COL5A2: variants seen among roughly 807,000 people sequenced by gnomAD.
The protein encoded by COL5A2 is collagen alpha-2(V) chain.
COL5A2 carries 23 observed loss-of-function variants against 208.2 expected under a neutral mutation model. The ratio of observed to expected loss-of-function variants is 0.11; its 90% CI spans 0.08 to 0.16. COL5A2 has a LOEUF of 0.16. Among genes scored for constraint, COL5A2 ranks in the 10% least tolerant of loss-of-function variants. The pLI, the probability that COL5A2 is intolerant of heterozygous loss-of-function variation, is 1.00. For synonymous variants in COL5A2, 625 were observed against 628.5 expected, an observed-to-expected ratio of 0.99 and a Z score of 0.08; for missense variants, 1,590 against 1,956.4, an observed-to-expected ratio of 0.81 and a Z score of 3.53.
In COL5A2 at chr2:189,065,099, T is replaced by G. The variant is rs1232391094; in HGVS notation, c.1564-42A>C. On this transcript the variant is annotated intron_variant, in intron 23 of 53. Coordinates refer to ENST00000374866, the MANE Select transcript of COL5A2 (RefSeq NM_000393.5). ...TGTGATTCTTAATTGTTGTTGATAT[T>G]TTTGCAATATGTAATGAATAGGTGA... 1.0e-5 allele frequency: 16 copies of G among 1,584,004 alleles called. No homozygotes were observed. The South Asian group carries it at 1.7e-4, about 17-fold the overall frequency.
At chr2:189,185,649 C>T (rs1442176267) in intron 1 of COL5A2, among the ~76,000 whole-genome samples, 1 of 152,188 alleles carries the variant, frequency 6.6e-6, no homozygotes, top group African/African-American at 2.4e-5. Flanking sequence ...AACCCACGAG[C>T]ATGTTCTGTG....
the COL5A2 span, among the ~76,000 whole-genome samples, chr2:189,335,881 G>C: frequency 6.6e-6 from 1 of 152,122 alleles, no homozygotes; most frequent in East Asian, 1.9e-4. Context: ...ACACTGAATT[G>C]CTCACTTTAA....
the COL5A2 span, among the ~76,000 whole-genome samples, chr2:189,280,166 C>A: frequency 1.1e-4 from 16 of 152,086 alleles, no homozygotes; most frequent in Non-Finnish European, 2.4e-4. Flanking sequence ...ATAAGTCACT[C>A]AGTTTATCTT....
chr2:189,320,170 A>C, the COL5A2 span, among the ~76,000 whole-genome samples: 1 of 152,246 alleles, frequency 6.6e-6, no homozygotes, highest in East Asian at 1.9e-4. Context: ...TCTGTACGTC[A>C]CCATCATCAA....
chr2:189,423,037 A>AAAG, the COL5A2 span, among the ~76,000 whole-genome samples: 49 of 151,472 alleles, frequency 3.2e-4, no homozygotes, highest in Non-Finnish European at 6.5e-4. Context: ...AAAAAAAAAA[A>AAAG]AAAGAAAGAA....
the COL5A2 span, among the ~76,000 whole-genome samples, chr2:189,400,787 T>A: frequency 2.0e-5 from 3 of 152,198 alleles, no homozygotes; most frequent in Non-Finnish European, 4.4e-5. Flanking sequence ...TGATTAAAAT[T>A]ATACAAGGAC....
intron 1 of COL5A2, among the ~76,000 whole-genome samples, chr2:189,158,342 C>T (rs1396986799): frequency 6.6e-6 from 1 of 151,994 alleles, no homozygotes. Context: ...GCTCTATGAA[C>T]ATTTATTAGC....
the COL5A2 span, among the ~76,000 whole-genome samples, chr2:189,326,624 T>A: frequency 2.3e-4 from 35 of 151,948 alleles, no homozygotes; most frequent in South Asian, 7.1e-3. Flanking sequence ...GCCCAGACAT[T>A]CAATGTTACA....
At position 189,052,009 on chromosome 2, in the gene COL5A2, G is replaced by A. The variant is rs147121814; in HGVS notation, c.2769+163C>T. On this transcript the variant is annotated intron_variant, in intron 41 of 53. Coordinates refer to ENST00000374866, the MANE Select transcript of COL5A2 (RefSeq NM_000393.5). ...CAAGAAATACTAGATTATTAAGGAT[G>A]ATTTGCTTTGCTGAAATACCAGCAT... Among the ~76,000 whole-genome samples, 47 of 152,230 alleles carry A rather than the reference G, an allele frequency of 3.1e-4. 1 individual carries two copies. In the East Asian group the frequency reaches 5.6e-3, roughly 18 times the overall value.
intron 30 of COL5A2, 69 bp downstream of exon 30, chr2:189,061,493 C>CTT: frequency 4.4e-6 from 5 of 1,134,318 alleles, no homozygotes; most frequent in Non-Finnish European, 5.3e-6. Context: ...CTGACCATAT[C>CTT]TTTTTTTTTA....
At chr2:189,185,642 C>T (rs1238824395) in intron 1 of COL5A2, among the ~76,000 whole-genome samples, 2 of 152,170 alleles carry the variant, frequency 1.3e-5, no homozygotes, top group Non-Finnish European at 2.9e-5. Flanking sequence ...TTCATAAAAC[C>T]CACGAGCATG....
the COL5A2 span, among the ~76,000 whole-genome samples, chr2:189,248,222 A>T: frequency 6.6e-6 from 1 of 152,244 alleles, no homozygotes; most frequent in Non-Finnish European, 1.5e-5. Context: ...TGTTAGATAC[A>T]GCTGCATATT....
chr2:189,191,167 C>CA (rs1688921444), intron 1 of COL5A2, among the ~76,000 whole-genome samples: 1 of 124,888 alleles, frequency 8.0e-6, no homozygotes, highest in African/African-American at 3.0e-5. Context: ...AACAAACAAA[C>CA]AACAAAAAAC....
the COL5A2 span, among the ~76,000 whole-genome samples, chr2:189,330,969 G>A: frequency 1.1e-4 from 16 of 152,226 alleles, no homozygotes; most frequent in East Asian, 1.2e-3. Flanking sequence ...AATACAAGCC[G>A]ACTCTCAGAG....
the COL5A2 span, among the ~76,000 whole-genome samples, chr2:189,288,323 C>T: frequency 6.6e-6 from 1 of 152,248 alleles, no homozygotes; most frequent in South Asian, 2.1e-4. Flanking sequence ...CTTGTGTTGA[C>T]CTCATTTGAC....
chr2:189,308,344 C>A, the COL5A2 span, among the ~76,000 whole-genome samples: 1 of 151,990 alleles, frequency 6.6e-6, no homozygotes, highest in Non-Finnish European at 1.5e-5. Flanking sequence ...TAACATTAAG[C>A]AATAAGACAC....
chr2:189,269,726 T>C, the COL5A2 span, among the ~76,000 whole-genome samples: 4 of 152,192 alleles, frequency 2.6e-5, no homozygotes, highest in Admixed American at 2.6e-4. Context: ...TGCCAGGTTT[T>C]AATATAAGGA....
intron 12 of COL5A2, among the ~76,000 whole-genome samples, chr2:189,081,301 T>C (rs1268731889): frequency 6.6e-6 from 1 of 152,192 alleles, no homozygotes; most frequent in Non-Finnish European, 1.5e-5. Flanking sequence ...GTTCATGACA[T>C]TTTGAATTTT....
chr2:189,041,677 A>G lies in COL5A2; in HGVS notation c.3542T>C (p.Val1181Ala). The change falls in exon 50 of 54, where the codon GTT becomes GCT. Residue 1181 changes from valine to alanine, a missense_variant. Physicochemically the swap from Val to Ala is moderately conservative, Grantham distance 64. Transcript: ENST00000374866. ...GTTTCCTTCTTTACCTGAAGGACCAACTGGGCCTGGAGGACCCTGCAAGAA... is the reference window on the plus strand; with the variant it reads ...GTTTCCTTCTTTACCTGAAGGACCAGCTGGGCCTGGAGGACCCTGCAAGAA... ...PFGPRGPPGPVGPSGKEGNPG... is the reference protein window; with the variant it reads ...PFGPRGPPGPAGPSGKEGNPG... 6.2e-7 allele frequency: 1 copy of G among 1,613,916 alleles called. No individual in the cohort carries two copies. Among genetic ancestry groups the G allele is most frequent in the Non-Finnish European group, 8.5e-7 (1 of 1,179,764 alleles).
Sources: gnomAD v4.1 joint callset for allele counts (sites outside exome capture counted in the v4.1 genomes callset) on GRCh38, gnomAD v4.1.1 for gene constraint, MANE v1.5 for transcripts, NCBI Gene and HGNC (gene_info 2026-07-23, HGNC 2026-07-21) for gene names.